The following AHCYL2 variants were observed in gnomAD, a reference collection of about 807,000 sequenced individuals.
The protein encoded by AHCYL2 is S-adenosylhomocysteine hydrolase-like protein 2.
In AHCYL2, 28 loss-of-function variants were observed where a neutral mutation model predicts 81.4. That is an observed-to-expected ratio of 0.34 (90% CI 0.25 to 0.47). The LOEUF (loss-of-function observed/expected upper bound fraction) is 0.47. Ranked by LOEUF, AHCYL2 falls within the 20% of genes least tolerant of loss-of-function variation. AHCYL2 has a pLI of 1.00. For missense variants in AHCYL2, 551 were observed against 785.1 expected (o/e 0.70, Z 3.56); for synonymous variants, 272 against 290.2 (o/e 0.94, Z 0.64).
chr7:129,329,323 G>A (rs1798337726), intron 1 of AHCYL2, among the ~76,000 whole-genome samples: 2 of 152,170 alleles, frequency 1.3e-5, no homozygotes, highest in South Asian at 4.1e-4. Context: ...AGGACTACAG[G>A]GCAAGTGCCA....
intron 1 of AHCYL2, among the ~76,000 whole-genome samples, chr7:129,228,683 A>T (rs1212372473): frequency 2.0e-5 from 3 of 152,236 alleles, no homozygotes; most frequent in Admixed American, 1.3e-4. Flanking sequence ...GCAGGAGAGG[A>T]TTTATTTCAG....
chr7:129,423,680 GTTT>G (rs201434021), intron 13 of AHCYL2, among the ~76,000 whole-genome samples: 1 of 151,198 alleles, frequency 6.6e-6, no homozygotes, highest in East Asian at 1.9e-4. Context: ...TTTTCAGTTG[GTTT>G]TTTTTCTTTT....
intron 1 of AHCYL2, among the ~76,000 whole-genome samples, chr7:129,321,760 T>TG (rs1798033016): frequency 6.8e-6 from 1 of 146,164 alleles, no homozygotes; most frequent in Non-Finnish European, 1.5e-5. Flanking sequence ...TTTTTTTTTT[T>TG]TTTTGGTCTT....
At chr7:129,312,551 G>C (rs1797694336) in intron 1 of AHCYL2, among the ~76,000 whole-genome samples, 1 of 152,126 alleles carries the variant, frequency 6.6e-6, no homozygotes, top group African/African-American at 2.4e-5. Context: ...TGTGATTACA[G>C]GTGTGAGCCA....
rs544659235 is a variant in AHCYL2, at chr7:129,319,124, T to G, written c.364-60514T>G. 2.0e-3 allele frequency among the ~76,000 whole-genome samples: 299 copies of G among 152,160 alleles called. 5 individuals carry two copies. Among genetic ancestry groups the G allele is most frequent in the Non-Finnish European group, 2.6e-3 (174 of 68,010 alleles). ...TGGGCAAAGAATGTGAACAGATAGT[T>G]TAGAAGAAATGAAATACAAATGTCA... On this transcript the variant is annotated intron_variant, in intron 1 of 16. Coordinates refer to ENST00000325006, the MANE Select transcript of AHCYL2 (RefSeq NM_015328.4).
chr7:129,340,567 CAAA>C (rs569272896), intron 1 of AHCYL2, among the ~76,000 whole-genome samples: 3 of 82,202 alleles, frequency 3.6e-5, no homozygotes, highest in African/African-American at 4.5e-5. Context: ...GACTCCGTCT[CAAA>C]AAAAAAAAAA....
intron 7 of AHCYL2, 72 bp downstream of exon 7, chr7:129,403,557 A>G: frequency 9.2e-7 from 1 of 1,090,802 alleles, no homozygotes; most frequent in Non-Finnish European, 1.3e-6. Context: ...ATACCTATAA[A>G]ACACATGTTA....
intron 1 of AHCYL2, among the ~76,000 whole-genome samples, chr7:129,351,874 G>A (rs1793577055): frequency 6.6e-6 from 1 of 152,248 alleles, no homozygotes; most frequent in East Asian, 1.9e-4. Context: ...TTGACATTTT[G>A]CACTAATGGT....
At position 129,361,213 on chromosome 7, in the gene AHCYL2, GAT is replaced by G. The variant is rs1793919188; in HGVS notation, c.364-18422_364-18421del. On this transcript the variant is annotated intron_variant, in intron 1 of 16. Coordinates refer to ENST00000325006, the MANE Select transcript of AHCYL2 (RefSeq NM_015328.4). ...GAGGAAGATAGGACAGATTGCAAGA[GAT>G]ATTACGGAGTACATGTTCTTCCCTC... Among the ~76,000 whole-genome samples the G allele has an allele frequency of 4.6e-5, 7 of 152,298 alleles. No homozygotes were observed. The South Asian group carries it at 1.4e-3, about 32-fold the overall frequency.
At chr7:129,238,618 A>G (rs1308681359) in intron 1 of AHCYL2, among the ~76,000 whole-genome samples, 1 of 152,154 alleles carries the variant, frequency 6.6e-6, no homozygotes, top group Admixed American at 6.5e-5. Flanking sequence ...AGAGGTCAGC[A>G]CTGAAATTGA....
chr7:129,395,427 C>T (rs559347595), intron 4 of AHCYL2, among the ~76,000 whole-genome samples: 11 of 152,312 alleles, frequency 7.2e-5, no homozygotes, highest in African/African-American at 2.4e-4. Flanking sequence ...AGCAGCCAAA[C>T]TTTGCCTTGA....
intron 4 of AHCYL2, among the ~76,000 whole-genome samples, chr7:129,393,078 C>A (rs35195965): frequency 0.024 from 3,667 of 152,234 alleles, 75 homozygotes; most frequent in Admixed American, 0.057. Context: ...GGTGGTGTCT[C>A]CCAGGATTTT....
Position 129,389,664 on chromosome 7 carries a change from G to A in AHCYL2, c.650G>A (p.Arg217Lys). 2 of 1,613,754 alleles carry A rather than the reference G, an allele frequency of 1.2e-6. No homozygotes were observed. Among genetic ancestry groups the A allele is most frequent in the Non-Finnish European group, 1.7e-6 (2 of 1,179,802 alleles). ...EMPALMALRKRAQGEKPLAGA... is the reference protein window; with the variant it reads ...EMPALMALRKKAQGEKPLAGA... ...CCTGCATTGATGGCTTTGAGGAAGA[G>A]AGCTCAAGGAGAAAAGCCTTTGGCT... The change falls in exon 4 of 17, where the codon AGA (arginine) becomes AAA (lysine). Residue 217 changes from arginine (R) to lysine (K), a missense_variant. Around this residue, in one of 2 missense-constraint regions of AHCYL2, gnomAD observed 316 missense variants for 543.1 expected, o/e 0.58. Transcript: ENST00000325006.
At position 129,225,096 on chromosome 7, in the gene AHCYL2, C is replaced by T. The variant is rs1439060107; in HGVS notation, c.20C>T (p.Ser7Leu). 5 of 1,596,496 alleles carry T rather than the reference C, an allele frequency of 3.1e-6. No individual in the cohort carries two copies. The highest frequency in any genetic ancestry group is 4.3e-6 in the Non-Finnish European group (5 of 1,172,932). Reference protein sequence around the residue: MSVQVVSAAAAAKVPEV... With the variant: MSVQVVLAAAAAKVPEV... ...GCGGTGATGTCGGTGCAGGTTGTGT[C>T]AGCCGCGGCTGCCGCCAAGGTGCCT... Residue 7 changes from serine (S) to leucine (L), a missense_variant, in exon 1 of 17, where the codon TCA (serine) becomes TTA (leucine). Physicochemically the swap from Ser to Leu is moderately radical, Grantham distance 145 (BLOSUM62 -2). This residue lies in a region of AHCYL2 where 235 missense variants were observed against 242.1 expected (regional missense o/e 0.97). Transcript: ENST00000325006.
rs1408337815 is a variant in AHCYL2 at position 129,375,883 on chromosome 7, A to C, written c.364-3755A>C. ...GGTAATGTCACTATGCTGGGCAGCA[A>C]GAAGAAATACATTGTTAATGGCAAC... On this transcript the variant is annotated intron_variant, in intron 1 of 16. Transcript: ENST00000325006. The C allele has an allele frequency of 3.9e-6, 6 of 1,535,992 alleles. No individual in the cohort carries two copies. In the Admixed American group the frequency reaches 7.8e-5, roughly 20 times the overall value.
chr7:129,355,220 G>A lies in AHCYL2; in HGVS notation c.364-24418G>A, dbSNP rs186271400. Among the ~76,000 whole-genome samples, 316 of 143,434 alleles carry A rather than the reference G, an allele frequency of 2.2e-3. 1 individual carries two copies. Among genetic ancestry groups the A allele is most frequent in the Middle Eastern group, 6.9e-3 (2 of 288 alleles). The allele number at this position is 143,434 out of a possible 152,430, so 94.1% of individuals were successfully genotyped here. On this transcript the variant is annotated intron_variant, in intron 1 of 16. Transcript: ENST00000325006. Reference sequence around the variant, plus strand: ...TAGTGCCATATATTTTTGAATTTTTGTGCTTTGTTTTAGTGATTGCACTGT... The same window carrying A: ...TAGTGCCATATATTTTTGAATTTTTATGCTTTGTTTTAGTGATTGCACTGT...
chr7:129,247,661 CATG>C (rs1475944517), intron 1 of AHCYL2, among the ~76,000 whole-genome samples: 1 of 151,974 alleles, frequency 6.6e-6, no homozygotes, highest in East Asian at 1.9e-4. Context: ...AGTGCAGTAG[CATG>C]ATCATGGCTT....
rs113488157 is a variant in AHCYL2 at position 129,258,534 on chromosome 7, A to G, written c.363+33095A>G. On this transcript the variant is annotated intron_variant, in intron 1 of 16. Transcript: ENST00000325006. ...ACTTCTTTGATCTGTTACCCATTAT[A>G]AAATTTATGTTATTTATCTTGCTTT... Among the ~76,000 whole-genome samples, 975 of 148,418 alleles carry G rather than the reference A, an allele frequency of 6.6e-3. 11 individuals are homozygous for G. Among genetic ancestry groups the G allele is most frequent in the African/African-American group, 0.023 (927 of 40,632 alleles).
At chr7:129,348,949 A>T (rs1793455627) in intron 1 of AHCYL2, among the ~76,000 whole-genome samples, 1 of 152,090 alleles carries the variant, frequency 6.6e-6, no homozygotes, top group Admixed American at 6.6e-5. Context: ...AAACACACTA[A>T]CCTAAGCTGT....
Sources: gnomAD v4.1 joint callset for allele counts (sites outside exome capture counted in the v4.1 genomes callset) on GRCh38, gnomAD v4.1.1 for gene constraint, gnomAD v4.1.1 regional missense constraint, MANE v1.5 for transcripts, NCBI Gene and HGNC (gene_info 2026-07-23, HGNC 2026-07-21) for gene names.